Variants in SLCO3A1 observed in about 807,000 individuals in gnomAD.
SLCO3A1 encodes the protein PGE1 transporter.
In SLCO3A1, 27 loss-of-function variants were observed where a neutral mutation model predicts 63.1. That is an observed-to-expected ratio of 0.43 (90% CI 0.32 to 0.59). The LOEUF (loss-of-function observed/expected upper bound fraction) is 0.59, where lower values mean the gene tolerates loss of function less well. SLCO3A1 is among the 20% of genes least tolerant of loss of function. The pLI is 0.09. For missense variants in SLCO3A1, 773 were observed against 945.8 expected, an observed-to-expected ratio of 0.82 and a Z score of 2.40; for synonymous variants, 473 against 409.9, an observed-to-expected ratio of 1.15 and a Z score of -1.86.
Position 91,941,923 on chromosome 15 carries a change from A to G in SLCO3A1, c.646+25465A>G, listed in dbSNP as rs938411409. 1.3e-5 allele frequency among the ~76,000 whole-genome samples: 2 copies of G among 152,146 alleles called. No homozygotes were observed. The highest frequency in any genetic ancestry group is 6.5e-5 in the Admixed American group (1 of 15,282). ...TTAGGAGGGCAGCTCTCAGGCTACA[A>G]ATGGGGGCTTGCACCAGCGTACTGG... On this transcript the variant is annotated intron_variant, in intron 2 of 9. Coordinates refer to ENST00000318445, the MANE Select transcript of SLCO3A1 (RefSeq NM_013272.4). This position sits in a 1 kb window ranked among gnomAD's most constrained non-coding sequence, Gnocchi z 4.4.
At chr15:92,072,116 G>A (rs2047222555) in intron 2 of SLCO3A1, among the ~76,000 whole-genome samples, 1 of 152,152 alleles carries the variant, frequency 6.6e-6, no homozygotes, top group South Asian at 2.1e-4. Flanking sequence ...TAGGTTTCAA[G>A]GGATTTGGAT....
chr15:91,861,014 GC>G (rs1489033892), intron 1 of SLCO3A1, among the ~76,000 whole-genome samples: 1 of 152,108 alleles, frequency 6.6e-6, no homozygotes, highest in Admixed American at 6.5e-5. Flanking sequence ...CAGCCTTCCC[GC>G]CCCCAGTCTG....
Position 91,894,867 on chromosome 15 carries a change from G to A in SLCO3A1, c.181-21126G>A, listed in dbSNP as rs1241385655. ...TGAAACCCCCGGAGGGACAGGGAGT[G>A]CGTAGAAGCAGGTTGTAGCTCGCCT... On this transcript the variant is annotated intron_variant, in intron 1 of 9. Transcript: ENST00000318445. The surrounding 1 kb of genome is among the most constrained non-coding windows in gnomAD (Gnocchi z 4.8). Among the ~76,000 whole-genome samples the A allele has an allele frequency of 6.6e-6, 1 of 152,208 alleles. No homozygotes were observed. The highest frequency in any genetic ancestry group is 1.5e-5 in the Non-Finnish European group (1 of 68,040).
downstream of SLCO3A1, chr15:92,166,040 T>C: frequency 2.8e-6 from 1 of 356,076 alleles, no homozygotes; most frequent in Non-Finnish European, 3.9e-6. Flanking sequence ...AGGTTTGGGT[T>C]TTGTTTTGTT....
At chr15:92,050,901 C>G (rs1331526242) in intron 2 of SLCO3A1, among the ~76,000 whole-genome samples, 2 of 152,114 alleles carry the variant, frequency 1.3e-5, no homozygotes, top group Non-Finnish European at 2.9e-5. Flanking sequence ...AACTCACTCC[C>G]ACTTAAGACT....
intron 5 of SLCO3A1, among the ~76,000 whole-genome samples, chr15:92,124,642 CAGAG>C (rs201300846): frequency 8.1e-5 from 12 of 149,064 alleles, no homozygotes; most frequent in South Asian, 2.1e-4. Context: ...TGTATCCTAG[CAGAG>C]AGAGAGAGAG....
chr15:92,012,776 G>A (rs955987326), intron 2 of SLCO3A1, among the ~76,000 whole-genome samples: 7 of 147,840 alleles, frequency 4.7e-5, no homozygotes, highest in African/African-American at 1.7e-4. Context: ...CTCAGACGAG[G>A]CTTAACTCTA....
chr15:91,884,185 A>G (rs1353772353), intron 1 of SLCO3A1, among the ~76,000 whole-genome samples: 1 of 152,210 alleles, frequency 6.6e-6, no homozygotes, highest in Non-Finnish European at 1.5e-5. Context: ...TCCCTGTCAC[A>G]TAGCTTGAAA....
chr15:91,964,157 A>G (rs930927264), intron 2 of SLCO3A1, among the ~76,000 whole-genome samples: 1 of 152,186 alleles, frequency 6.6e-6, no homozygotes, highest in Non-Finnish European at 1.5e-5. Flanking sequence ...AGTTTATGAA[A>G]GTAGGTTTTC....
At chr15:91,981,971 C>T (rs1404033416) in intron 2 of SLCO3A1, among the ~76,000 whole-genome samples, 1 of 152,238 alleles carries the variant, frequency 6.6e-6, no homozygotes. Context: ...GCTTACATGC[C>T]TTCTTCTGTC....
intron 9 of SLCO3A1, chr15:92,155,383 G>A (rs2048358676): frequency 6.6e-6 from 1 of 151,270 alleles, no homozygotes; most frequent in East Asian, 1.9e-4. Flanking sequence ...GCACAGATAA[G>A]TAGGTGCCAA....
intron 1 of SLCO3A1, among the ~76,000 whole-genome samples, chr15:91,873,898 G>A (rs1018788758): frequency 2.0e-5 from 3 of 151,974 alleles, no homozygotes; most frequent in Non-Finnish European, 2.9e-5. Flanking sequence ...CTATGATTTT[G>A]TGTCATTTCC....
intron 1 of SLCO3A1, among the ~76,000 whole-genome samples, chr15:91,855,375 T>C (rs1042618507): frequency 3.3e-5 from 5 of 152,010 alleles, no homozygotes; most frequent in Non-Finnish European, 7.4e-5. Context: ...AGAGAGGGGG[T>C]CTTCAAACTC....
chr15:92,092,774 T>C (rs1280142574), intron 2 of SLCO3A1, among the ~76,000 whole-genome samples: 2 of 152,162 alleles, frequency 1.3e-5, no homozygotes, highest in Non-Finnish European at 2.9e-5. Flanking sequence ...TAACATCCCC[T>C]GCCCCCAACT....
At chr15:92,151,974 G>T (rs981169333) in intron 9 of SLCO3A1, among the ~76,000 whole-genome samples, 1 of 152,130 alleles carries the variant, frequency 6.6e-6, no homozygotes, top group East Asian at 1.9e-4. Flanking sequence ...GTCTATAATC[G>T]CAGTAGGATT....
rs959120981 is a variant in SLCO3A1, at chr15:91,882,639, C to T, written c.180+28551C>T. 9.2e-5 allele frequency among the ~76,000 whole-genome samples: 14 copies of T among 152,220 alleles called. No homozygotes were observed. Among genetic ancestry groups the T allele is most frequent in the Admixed American group, 1.3e-4 (2 of 15,290 alleles). ...AAGCGATTCTCTTGCTTCAGCCTCC[C>T]GAGTAGCTGGGACCACAGGCGTATG... On this transcript the variant is annotated intron_variant, in intron 1 of 9. Coordinates refer to ENST00000318445, the MANE Select transcript of SLCO3A1 (RefSeq NM_013272.4). This position sits in a 1 kb window ranked among gnomAD's most constrained non-coding sequence, Gnocchi z 4.4.
chr15:91,985,219 A>G (rs972459392), intron 2 of SLCO3A1, among the ~76,000 whole-genome samples: 3 of 152,220 alleles, frequency 2.0e-5, no homozygotes, highest in African/African-American at 4.8e-5. Flanking sequence ...TGTGAATGAA[A>G]TGATGGCATC....
In SLCO3A1 at chr15:91,954,571, C is replaced by A. The variant is rs1900106812; in HGVS notation, c.646+38113C>A. On this transcript the variant is annotated intron_variant, in intron 2 of 9. Coordinates refer to ENST00000318445, the MANE Select transcript of SLCO3A1 (RefSeq NM_013272.4). This position sits in a 1 kb window ranked among gnomAD's most constrained non-coding sequence, Gnocchi z 4.7. ...CGCAGGCTTTCCTGAGAAGTGAATC[C>A]AGGCGCAGAAGGAAGAGGAAGTGGA... 6.6e-6 allele frequency among the ~76,000 whole-genome samples: 1 copy of A among 152,108 alleles called. No homozygotes were observed. Among genetic ancestry groups the A allele is most frequent in the Non-Finnish European group, 1.5e-5 (1 of 68,006 alleles).
At chr15:92,027,742 T>G (rs2046593823) in intron 2 of SLCO3A1, among the ~76,000 whole-genome samples, 1 of 152,214 alleles carries the variant, frequency 6.6e-6, no homozygotes, top group African/African-American at 2.4e-5. Flanking sequence ...ACTTACCACA[T>G]AAACGAAGCA....
Sources: gnomAD v4.1 joint callset for allele counts (sites outside exome capture counted in the v4.1 genomes callset) on GRCh38, gnomAD v4.1.1 for gene constraint, Gnocchi (gnomAD v3.1) non-coding constraint, MANE v1.5 for transcripts, NCBI Gene and HGNC (gene_info 2026-07-23, HGNC 2026-07-21) for gene names.